PHLDB3: variants seen among roughly 807,000 people sequenced by gnomAD.
The protein encoded by PHLDB3 is pleckstrin homology-like domain family B member 3.
In PHLDB3, 86 loss-of-function variants were observed where a neutral mutation model predicts 85.7. The ratio of observed to expected loss-of-function variants is 1.00; its 90% CI spans 0.84 to 1.20. PHLDB3 has a LOEUF of 1.20. Among genes scored for constraint, PHLDB3 ranks in the 50% most tolerant of loss-of-function variants. PHLDB3 has a pLI of 0.00. For synonymous variants in PHLDB3, 376 were observed against 349.8 expected (o/e 1.07, Z -0.83); for missense variants, 995 against 873.0 (o/e 1.14, Z -1.76).
At chr19:43,486,989 T>A (rs761744442) in intron 10 of PHLDB3, 35 bp downstream of exon 10, 5 of 1,506,758 alleles carry the variant, frequency 3.3e-6, no homozygotes, top group Non-Finnish European at 3.5e-6. Context: ...TGAGTGCTGA[T>A]GTGGGAAGGA....
At chr19:43,485,573 T>G (rs1971136884) in intron 13 of PHLDB3, among the ~76,000 whole-genome samples, 1 of 151,708 alleles carries the variant, frequency 6.6e-6, no homozygotes, top group South Asian at 2.1e-4. Flanking sequence ...TTTTTTTTTT[T>G]TGAGACAGAT....
chr19:43,485,713 T>C (rs1481866069), intron 13 of PHLDB3, among the ~76,000 whole-genome samples: 1 of 151,420 alleles, frequency 6.6e-6, no homozygotes, highest in Non-Finnish European at 1.5e-5. Context: ...TGTGCCACCA[T>C]GCCCGGCTAA....
intron 2 of PHLDB3, among the ~76,000 whole-genome samples, chr19:43,503,047 C>G (rs915711812): frequency 6.6e-6 from 1 of 152,108 alleles, no homozygotes; most frequent in East Asian, 1.9e-4. Context: ...GTATGTCCCT[C>G]TCTCGAGGTT....
At chr19:43,494,481 T>G (rs538880714) in intron 9 of PHLDB3, among the ~76,000 whole-genome samples, 2 of 152,126 alleles carry the variant, frequency 1.3e-5, no homozygotes, top group Non-Finnish European at 2.9e-5. Flanking sequence ...TGTTCCCATT[T>G]CGCCAGGGCA....
At chr19:43,489,191 A>C (rs2145917740) in intron 9 of PHLDB3, among the ~76,000 whole-genome samples, 1 of 152,208 alleles carries the variant, frequency 6.6e-6, no homozygotes, top group Middle Eastern at 3.4e-3. Context: ...AAGAAAAAAA[A>C]CAGAACATAA....
Position 43,502,238 on chromosome 19 carries a change from A to T in PHLDB3, c.259T>A (p.Ser87Thr). 1.3e-6 allele frequency: 2 copies of T among 1,563,886 alleles called. No homozygotes were observed. The highest frequency in any genetic ancestry group is 1.7e-6 in the Non-Finnish European group (2 of 1,156,128). The change falls in exon 3 of 16, where the codon TCC becomes ACC. Residue 87 changes from serine (S) to threonine (T), a missense_variant. By Grantham distance (58) the Ser-to-Thr change is moderately conservative (BLOSUM62 1). Coordinates refer to ENST00000292140, the MANE Select transcript of PHLDB3 (RefSeq NM_198850.4). Reference protein sequence around the residue: ...PIAMAATPPASTSSREGVRGA... With the variant: ...PIAMAATPPATTSSREGVRGA... Reference sequence around the variant, plus strand: ...CGCACCCCTTCCCGCGAAGAGGTGGATGCGGGAGGTGTGGCCGCCATAGCT... The same window carrying T: ...CGCACCCCTTCCCGCGAAGAGGTGGTTGCGGGAGGTGTGGCCGCCATAGCT...
intron 15 of PHLDB3, among the ~76,000 whole-genome samples, chr19:43,477,672 G>A (rs997879054): frequency 1.2e-4 from 18 of 148,632 alleles, no homozygotes; most frequent in South Asian, 2.1e-4. Flanking sequence ...AAAATTAGCC[G>A]GGCACGGTGC....
rs1970897601 is a variant in PHLDB3, at chr19:43,475,260, G to A, written c.*150C>T. 3.6e-6 allele frequency: 4 copies of A among 1,124,872 alleles called. No individual in the cohort carries two copies. The highest frequency in any genetic ancestry group is 3.7e-6 in the Non-Finnish European group (3 of 810,848). The allele number at this position is 1,124,872 out of a possible 1,614,324, so 69.7% of individuals were successfully genotyped here. The stretch of plus-strand genomic sequence containing the variant: ...TGCAACCCAGAACGCAGCAGCTCAG[G>A]CCAGCTGAACTGCCGCGCCTGCGGA... On this transcript the variant is annotated 3_prime_UTR_variant, in exon 16 of 16. Coordinates refer to ENST00000292140, the MANE Select transcript of PHLDB3 (RefSeq NM_198850.4).
intron 4 of PHLDB3, chr19:43,501,524 C>T (rs991256461): frequency 1.1e-5 from 10 of 921,034 alleles, no homozygotes; most frequent in Middle Eastern, 3.1e-4. Context: ...AAATAGCAAA[C>T]GGACAGGGGA....
intron 9 of PHLDB3, 91 bp downstream of exon 9, chr19:43,494,611 G>T: frequency 1.9e-6 from 2 of 1,055,714 alleles, no homozygotes; most frequent in Non-Finnish European, 1.4e-6. Flanking sequence ...TGGAAGTTCT[G>T]GAGACCCCAG....
At chr19:43,476,753 T>A (rs1036392720) in intron 15 of PHLDB3, among the ~76,000 whole-genome samples, 1 of 152,164 alleles carries the variant, frequency 6.6e-6, no homozygotes, top group Non-Finnish European at 1.5e-5. Context: ...ACCTAATTGC[T>A]AAAAAGCCAC....
At chr19:43,486,365 T>A in intron 12 of PHLDB3, 43 bp from the exon 13 acceptor site, 8 of 1,560,554 alleles carry the variant, frequency 5.1e-6, no homozygotes, top group Non-Finnish European at 5.2e-6. Flanking sequence ...TCCCAGCCCA[T>A]AAGATGGTAG....
chr19:43,486,533 T>A (rs1029697306), intron 12 of PHLDB3, 76 bp downstream of exon 12: 17 of 1,499,064 alleles, frequency 1.1e-5, no homozygotes, highest in Admixed American at 2.1e-5. Context: ...GGAGGTGGAG[T>A]TGGGGGTCTC....
At chr19:43,497,402 TG>T in intron 5 of PHLDB3, 123 bp from the exon 6 acceptor site, 1 of 860,848 alleles carries the variant, frequency 1.2e-6, no homozygotes, top group Non-Finnish European at 1.7e-6. Context: ...TCCTGGGTCC[TG>T]GGGAGGAGGG....
intron 13 of PHLDB3, among the ~76,000 whole-genome samples, chr19:43,482,536 G>T (rs968591419): frequency 1.4e-4 from 22 of 152,172 alleles, no homozygotes; most frequent in Admixed American, 1.1e-3. Flanking sequence ...AATTCTGTTT[G>T]TTTGTTTGTT....
chr19:43,478,009 T>A, intron 15 of PHLDB3, 38 bp downstream of exon 15: 1 of 1,543,474 alleles, frequency 6.5e-7, no homozygotes, highest in Non-Finnish European at 8.9e-7. Context: ...CAACTGAGTC[T>A]CCAACTGGGA....
intron 13 of PHLDB3, among the ~76,000 whole-genome samples, chr19:43,485,478 T>C (rs927412538): frequency 3.5e-4 from 53 of 152,012 alleles, no homozygotes; most frequent in Admixed American, 2.1e-3. Context: ...CCCAAAGTGC[T>C]GGGATTACAG....
intron 13 of PHLDB3, 21 bp from the exon 14 acceptor site, chr19:43,479,614 G>A (rs763662605): frequency 1.1e-5 from 16 of 1,491,050 alleles, no homozygotes; most frequent in Non-Finnish European, 1.5e-5. Context: ...AAGAGACGGG[G>A]CAGCTGATGT....
intron 6 of PHLDB3, chr19:43,496,909 T>G: frequency 5.4e-6 from 4 of 739,850 alleles, no homozygotes; most frequent in Non-Finnish European, 7.4e-6. Context: ...GCCTCATAAG[T>G]TTGTTGTAAG....
Sources: allele counts gnomAD v4.1 joint callset (sites outside exome capture counted in the v4.1 genomes callset), GRCh38; gene constraint gnomAD v4.1.1; transcripts MANE v1.5; gene names NCBI Gene and HGNC (gene_info 2026-07-23, HGNC 2026-07-21).